Variants in ATP8A2 observed in about 807,000 individuals in gnomAD.
The protein encoded by ATP8A2 is ATPase phospholipid transporting 8A2, also known as phospholipid-transporting ATPase IB.
A neutral mutation model predicts 165.6 loss-of-function variants in ATP8A2; 100 were observed. The ratio of observed to expected loss-of-function variants is 0.60; its 90% CI spans 0.51 to 0.71. The LOEUF is 0.71. Ranked by LOEUF, ATP8A2 falls within the 30% of genes least tolerant of loss-of-function variation. The pLI, the probability that ATP8A2 is intolerant of heterozygous loss-of-function variation, is 0.00. For missense variants in ATP8A2, 1,227 were observed against 1,479.5 expected (o/e 0.83, Z 2.80); for synonymous variants, 543 against 548.8 (o/e 0.99, Z 0.15).
chr13:25,397,026 C>T (rs80236941), intron 1 of ATP8A2, among the ~76,000 whole-genome samples: 4,052 of 152,208 alleles, frequency 0.027, 135 homozygotes, highest in East Asian at 0.14. Context: ...ACACCAAAGG[C>T]GTGCCCCTTG....
At chr13:25,786,778 C>T (rs113446422) in intron 27 of ATP8A2, among the ~76,000 whole-genome samples, 3,501 of 129,748 alleles carry the variant, frequency 0.027, 148 homozygotes, top group African/African-American at 0.098. Flanking sequence ...TTTTTTGAGA[C>T]AGAGTTTCAC....
intron 25 of ATP8A2, among the ~76,000 whole-genome samples, chr13:25,736,856 A>G (rs2043781755): frequency 6.6e-6 from 1 of 152,180 alleles, no homozygotes; most frequent in Admixed American, 6.5e-5. Context: ...CAGGCACCCC[A>G]GGGAATATAA....
intron 25 of ATP8A2, among the ~76,000 whole-genome samples, chr13:25,718,167 G>A (rs3132353): frequency 0.24 from 36,784 of 151,826 alleles, 6,685 homozygotes; most frequent in African/African-American, 0.51. Flanking sequence ...TTTTAGAGTA[G>A]GATAATAACA....
chr13:25,962,650 C>T (rs757979142), intron 34 of ATP8A2, among the ~76,000 whole-genome samples: 20 of 152,140 alleles, frequency 1.3e-4, no homozygotes, highest in Admixed American at 2.0e-4. Flanking sequence ...ACTCCGAGCT[C>T]GGCTTTACTT....
intron 33 of ATP8A2, among the ~76,000 whole-genome samples, chr13:25,910,354 G>A (rs115084601): frequency 0.011 from 1,708 of 152,242 alleles, 21 homozygotes; most frequent in African/African-American, 0.039. Flanking sequence ...CCATCTTCAC[G>A]CAGTAGCGAG....
At chr13:25,732,275 G>A (rs1335262462) in intron 25 of ATP8A2, among the ~76,000 whole-genome samples, 1 of 152,172 alleles carries the variant, frequency 6.6e-6, no homozygotes, top group Non-Finnish European at 1.5e-5. Flanking sequence ...CGCATGTTGG[G>A]AAAGAATCTG....
Position 25,847,509 on chromosome 13 carries a change from C to T in ATP8A2, c.2956+7885C>T, listed in dbSNP as rs58685755. Among the ~76,000 whole-genome samples the T allele has an allele frequency of 8.2e-3, 1,242 of 152,184 alleles. 13 individuals are homozygous for T. The highest frequency in any genetic ancestry group is 0.026 in the African/African-American group (1,061 of 41,500). The stretch of plus-strand genomic sequence containing the variant: ...CTCTTTTAATAAACTCTGTGTTGCG[C>T]GTATTTTAGACAGTTGGGTTTGGTG... On this transcript the variant is annotated intron_variant, in intron 30 of 36. Transcript: ENST00000381655.
chr13:25,460,303 T>C (rs1392721571), intron 1 of ATP8A2, among the ~76,000 whole-genome samples: 1 of 152,172 alleles, frequency 6.6e-6, no homozygotes, highest in African/African-American at 2.4e-5. Context: ...TGTTCAAAGA[T>C]GGTGTTCATG....
chr13:25,752,868 G>T (rs868276101), intron 25 of ATP8A2, among the ~76,000 whole-genome samples: 8 of 152,170 alleles, frequency 5.3e-5, no homozygotes, highest in African/African-American at 1.9e-4. Context: ...TCAGGGCAAG[G>T]CTCCTCTGAT....
At chr13:25,886,379 T>A (rs1593505053) in intron 33 of ATP8A2, among the ~76,000 whole-genome samples, 2 of 152,170 alleles carry the variant, frequency 1.3e-5, no homozygotes, top group Non-Finnish European at 2.9e-5. Flanking sequence ...TTGCCCTGGC[T>A]GGGTTTGACT....
intron 7 of ATP8A2, among the ~76,000 whole-genome samples, chr13:25,538,362 A>G (rs1411879820): frequency 6.6e-6 from 1 of 152,066 alleles, no homozygotes; most frequent in Non-Finnish European, 1.5e-5. Flanking sequence ...TGGTCCATTC[A>G]TTAATGTCAG....
chr13:25,671,533 T>C (rs1333170114), intron 24 of ATP8A2, among the ~76,000 whole-genome samples: 2 of 152,180 alleles, frequency 1.3e-5, no homozygotes, highest in African/African-American at 4.8e-5. Context: ...AATGTGTACC[T>C]GGAGGTAGGT....
chr13:25,636,028 G>T (rs1304183633), intron 24 of ATP8A2, among the ~76,000 whole-genome samples: 5 of 152,112 alleles, frequency 3.3e-5, no homozygotes, highest in Non-Finnish European at 5.9e-5. Context: ...GGATGAGTAT[G>T]GGGGGAAGAG....
At chr13:25,516,301 C>G (rs921184101) in intron 2 of ATP8A2, among the ~76,000 whole-genome samples, 1 of 152,066 alleles carries the variant, frequency 6.6e-6, no homozygotes, top group Non-Finnish European at 1.5e-5. Context: ...AGGGCAAAAG[C>G]GTTTGGGACC....
chr13:25,764,962 G>A (rs530190745), intron 25 of ATP8A2, among the ~76,000 whole-genome samples: 3 of 152,298 alleles, frequency 2.0e-5, no homozygotes, highest in African/African-American at 7.2e-5. Context: ...TGCAAGATCA[G>A]AATCAGAAAC....
At chr13:25,561,910 T>G (rs1332179574) in intron 15 of ATP8A2, among the ~76,000 whole-genome samples, 2 of 152,236 alleles carry the variant, frequency 1.3e-5, no homozygotes, top group African/African-American at 4.8e-5. Context: ...TCCCTTAGCA[T>G]GTCTTCAGGG....
chr13:25,532,205 G>C (rs1593477183), intron 4 of ATP8A2, 67 bp from the exon 5 acceptor site: 1 of 1,246,202 alleles, frequency 8.0e-7, no homozygotes, highest in East Asian at 2.4e-5. Context: ...TGATTGTTTT[G>C]TTTGCTATTT....
chr13:25,875,304 CTG>C (rs1952795158), intron 33 of ATP8A2, among the ~76,000 whole-genome samples: 2 of 149,478 alleles, frequency 1.3e-5, no homozygotes, highest in Non-Finnish European at 2.9e-5. Flanking sequence ...CAGCTTCTCT[CTG>C]TAAACTGGAA....
At chr13:25,860,550 C>G (rs1223745248) in intron 31 of ATP8A2, among the ~76,000 whole-genome samples, 1 of 152,130 alleles carries the variant, frequency 6.6e-6, no homozygotes, top group Non-Finnish European at 1.5e-5. Flanking sequence ...TGGTATCTCC[C>G]AAGCTAAGAA....
Sources: gnomAD v4.1 joint callset for allele counts (sites outside exome capture counted in the v4.1 genomes callset) on GRCh38, gnomAD v4.1.1 for gene constraint, MANE v1.5 for transcripts, NCBI Gene and HGNC (gene_info 2026-07-23, HGNC 2026-07-21) for gene names.